Variants in MYSM1 observed in about 807,000 individuals in gnomAD.
The protein encoded by MYSM1 is Myb like, SWIRM and MPN domains 1.
In MYSM1, 51 loss-of-function variants were observed where a neutral mutation model predicts 116.0. The ratio of observed to expected loss-of-function variants is 0.44; its 90% confidence interval spans 0.35 to 0.56. MYSM1 has a LOEUF of 0.56. Among genes scored for constraint, MYSM1 ranks in the 20% least tolerant of loss-of-function variants. The pLI is 0.00. For synonymous variants in MYSM1, 313 were observed against 315.2 expected (o/e 0.99, Z 0.07); for missense variants, 900 against 974.9 (o/e 0.92, Z 1.02).
At chr1:58,660,685 A>G (rs1404441135) in intron 19 of MYSM1, among the ~76,000 whole-genome samples, 1 of 152,168 alleles carries the variant, frequency 6.6e-6, no homozygotes, top group African/African-American at 2.4e-5. Context: ...TGCTATTTAA[A>G]AAGACAAATG....
At position 58,665,498 on chromosome 1, in the gene MYSM1, C is replaced by T. The variant is rs558614618; in HGVS notation, c.2164+1G>A. 3.8e-6 allele frequency: 6 copies of T among 1,583,356 alleles called. No homozygotes were observed. Among genetic ancestry groups the T allele is most frequent in the African/African-American group, 1.4e-5 (1 of 73,416 alleles). On this transcript the variant is annotated splice_donor_variant, in intron 17 of 19. Coordinates refer to ENST00000472487, the MANE Select transcript of MYSM1 (RefSeq NM_001085487.3). LOFTEE classifies it high-confidence loss of function. ...TAAAGTTATTTTTGTTGAAAACTTA[C>T]GATAAGAGCCATCTGGGCTAATTTC...
At chr1:58,684,417 T>C (rs1644795086) in intron 7 of MYSM1, among the ~76,000 whole-genome samples, 1 of 151,682 alleles carries the variant, frequency 6.6e-6, no homozygotes, top group South Asian at 2.1e-4. Flanking sequence ...TACAAAAAAT[T>C]GGCCAGGTGT....
At chr1:58,670,690 A>T (rs1644547418) in intron 12 of MYSM1, among the ~76,000 whole-genome samples, 1 of 152,230 alleles carries the variant, frequency 6.6e-6, no homozygotes, top group Non-Finnish European at 1.5e-5. Flanking sequence ...TAATTGTGGT[A>T]ATCTATATAG....
In MYSM1 at chr1:58,658,076, G is replaced by T. The variant is rs973670912; in HGVS notation, c.*1921C>A. The T allele has an allele frequency of 6.6e-6, 1 of 152,122 alleles. No individual in the cohort carries two copies. The highest frequency in any genetic ancestry group is 2.4e-5 in the African/African-American group (1 of 41,420). 9.4% of individuals were successfully genotyped at this position (152,122 alleles called of 1,614,324 possible). On this transcript the variant is annotated 3_prime_UTR_variant, in exon 20 of 20. Coordinates refer to ENST00000472487, the MANE Select transcript of MYSM1 (RefSeq NM_001085487.3). ...CAATCACTGCCTTTCACAGAATCAC[G>T]CAACTTCGGAGCTTGGAAGGGAATA...
At chr1:58,668,500 T>C in intron 14 of MYSM1, 132 bp downstream of exon 14, 1 of 1,369,902 alleles carries the variant, frequency 7.3e-7, no homozygotes. Flanking sequence ...AAGACTTATT[T>C]TTAGATTCCT....
Position 58,682,093 on chromosome 1 carries a change from A to G in MYSM1, c.951T>C (p.Asn317=). 1 of 1,614,050 alleles carries G rather than the reference A, an allele frequency of 6.2e-7. No individual in the cohort carries two copies. The highest frequency in any genetic ancestry group is 8.5e-7 in the Non-Finnish European group (1 of 1,179,992). ...KSIELNDQKF[N]ELIKNCNKHD... is the part of the protein sequence containing the mutation. ...GCTTGTTGCAGTTTTTAATCAATTCATTAAATTTCTGGTCATTTAATTCAA... is the reference window on the plus strand; with the variant it reads ...GCTTGTTGCAGTTTTTAATCAATTCGTTAAATTTCTGGTCATTTAATTCAA... Residue 317 remains asparagine (N), a synonymous_variant, in exon 8 of 20, where the codon AAT becomes AAC. Coordinates refer to ENST00000472487, the MANE Select transcript of MYSM1 (RefSeq NM_001085487.3).
intron 11 of MYSM1, among the ~76,000 whole-genome samples, chr1:58,672,628 G>A (rs1455085150): frequency 6.6e-6 from 1 of 151,970 alleles, no homozygotes; most frequent in Non-Finnish European, 1.5e-5. Flanking sequence ...AATGAACTAT[G>A]CACCTTTTCC....
chr1:58,682,038 T>C lies in MYSM1; in HGVS notation c.1006A>G (p.Arg336Gly). Residue 336 changes from arginine to glycine, a missense_variant, in exon 8 of 20, where the codon AGG becomes GGG. This residue lies in a region of MYSM1 where 622 missense variants were observed against 623.7 expected (regional missense o/e 1.00). Transcript: ENST00000472487. ...HDGRGIIVDA[R>G]QLPSPEPCEI... ...CAAGGCTCTGGAGAAGGCAACTGCC[T>C]GGCATCAACTATTATTCCCCTTCCA... 9 of 1,614,196 alleles carry C rather than the reference T, an allele frequency of 5.6e-6. No individual in the cohort carries two copies. Among genetic ancestry groups the C allele is most frequent in the Non-Finnish European group, 7.6e-6 (9 of 1,180,022 alleles).
Position 58,661,415 on chromosome 1 carries a change from A to G in MYSM1, c.2261T>C (p.Leu754Pro), listed in dbSNP as rs965499184. The G allele has an allele frequency of 2.0e-5, 32 of 1,563,132 alleles. No homozygotes were observed. The highest frequency in any genetic ancestry group is 2.8e-5 in the Non-Finnish European group (32 of 1,134,280). Reference sequence around the variant, plus strand: ...AAACCACAGTACATACCTATGGGAGAGCCTGTATTTTTCTATTATCCATCT... The same window carrying G: ...AAACCACAGTACATACCTATGGGAGGGCCTGTATTTTTCTATTATCCATCT... Reference protein sequence around the residue: ...KTRWIIEKYRLSHSSVPMDKI... With the variant: ...KTRWIIEKYRPSHSSVPMDKI... The change falls in exon 18 of 20, where the codon CTC becomes CCC. Residue 754 changes from leucine to proline, a missense_variant. Physicochemically the swap from Leu to Pro is moderately conservative, Grantham distance 98. This residue lies in a region of MYSM1 where 186 missense variants were observed against 196.2 expected (regional missense o/e 0.95). Coordinates refer to ENST00000472487, the MANE Select transcript of MYSM1 (RefSeq NM_001085487.3).
chr1:58,665,688 T>C, intron 16 of MYSM1, 57 bp from the exon 17 acceptor site: 3 of 1,185,192 alleles, frequency 2.5e-6, no homozygotes, highest in East Asian at 4.8e-5. Flanking sequence ...AAAGCCAATA[T>C]TTATCCATAC....
Position 58,684,079 on chromosome 1 carries a change from T to C in MYSM1, c.498+1074A>G, listed in dbSNP as rs373297580. On this transcript the variant is annotated intron_variant, in intron 7 of 19. Transcript: ENST00000472487. ...CTGCCTTGAAAATGCTTCTGTTTGG[T>C]TGAAAGATGGAGCATACAATCGATG... Among the ~76,000 whole-genome samples, 61 of 152,222 alleles carry C rather than the reference T, an allele frequency of 4.0e-4. 1 individual carries two copies. In the East Asian group the frequency reaches 8.7e-3, roughly 22 times the overall value.
chr1:58,700,032 A>T lies in MYSM1; in HGVS notation c.21T>A (p.Asp7Glu). 1 of 1,613,470 alleles carries T rather than the reference A, an allele frequency of 6.2e-7. No individual in the cohort carries two copies. Among genetic ancestry groups the T allele is most frequent in the Non-Finnish European group, 8.5e-7 (1 of 1,179,936 alleles). The change falls in exon 1 of 20, where the codon GAT (aspartate) becomes GAA (glutamate). Residue 7 changes from aspartate (D) to glutamate (E), a missense_variant. By Grantham distance (45) the Asp-to-Glu change is conservative (BLOSUM62 2). Coordinates refer to ENST00000472487, the MANE Select transcript of MYSM1 (RefSeq NM_001085487.3). ...CTACCACGTCCCCTTCGATATCCAC[A>T]TCCGCCTCTTCAGCCGCCATGATGG... MAAEEA[D>E]VDIEGDVVAA...
At position 58,665,517 on chromosome 1, in the gene MYSM1, T is replaced by C; in HGVS notation, c.2146A>G (p.Ser716Gly). 1.9e-6 allele frequency: 3 copies of C among 1,602,770 alleles called. No homozygotes were observed. Among genetic ancestry groups the C allele is most frequent in the Non-Finnish European group, 2.6e-6 (3 of 1,173,926 alleles). Residue 716 changes from serine (S) to glycine (G), a missense_variant, in exon 17 of 20, where the codon AGC becomes GGC. Ser to Gly is a moderately conservative substitution (Grantham distance 56). Around this residue, in one of 3 missense-constraint regions of MYSM1, gnomAD observed 186 missense variants for 196.2 expected, o/e 0.95. Transcript: ENST00000472487. Reference sequence around the variant, plus strand: ...AACTTACGATAAGAGCCATCTGGGCTAATTTCCTCACTTATAACCAGGCAG... The same window carrying C: ...AACTTACGATAAGAGCCATCTGGGCCAATTTCCTCACTTATAACCAGGCAG... ...ITCLVISEEI[S>G]PDGSYRLPYK...
rs773468629 is a variant in MYSM1 at position 58,673,646 on chromosome 1, G to T, written c.1499C>A (p.Thr500Lys). ...TGGGTCTCGGACCCTACGTCTCCTT[G>T]TACGCTGCGATGAGATTAAAGTAAA... is the stretch of plus-strand genomic sequence containing the variant. ...QLAQRLQSMR[T>K]RRRRVRDPWG... Residue 500 changes from threonine to lysine, a missense_variant, in exon 11 of 20, where the codon ACA becomes AAA. Thr to Lys is a moderately conservative substitution (Grantham distance 78). Transcript: ENST00000472487. The T allele has an allele frequency of 3.1e-6, 5 of 1,613,606 alleles. No homozygotes were observed. In the Admixed American group the frequency reaches 8.3e-5, roughly 27 times the overall value.
intron 3 of MYSM1, among the ~76,000 whole-genome samples, chr1:58,691,116 A>G (rs1644899881): frequency 6.6e-6 from 1 of 151,944 alleles, no homozygotes; most frequent in Admixed American, 6.6e-5. Context: ...CATCTCTACT[A>G]AAAAACAGAA....
Position 58,671,870 on chromosome 1 carries a change from CT to C in MYSM1, c.1660del (p.Ser554AlafsTer8), listed in dbSNP as rs765939938. 6.2e-7 allele frequency: 1 copy of C among 1,611,244 alleles called. No individual in the cohort carries two copies. Among genetic ancestry groups the C allele is most frequent in the Admixed American group, 1.7e-5 (1 of 59,508 alleles). The stretch of plus-strand genomic sequence containing the variant: ...AAACCACATTTATATAACACTACAC[CT>C]TTTTGTTGGTCTTGGCACTTTTAAA... ...KSLKVPRPTKSSFDPFQLIPC... is the reference protein window; with the variant it reads ...KSLKVPRPTKXSFDPFQLIPC... On this transcript the variant is annotated frameshift_variant and splice_region_variant, in exon 12 of 20. Transcript: ENST00000472487. LOFTEE classifies it high-confidence loss of function.
rs1644867476 is a variant in MYSM1 at position 58,689,061 on chromosome 1, T to C, written c.376A>G (p.Lys126Glu). 6.2e-7 allele frequency: 1 copy of C among 1,611,702 alleles called. No individual in the cohort carries two copies. The highest frequency in any genetic ancestry group is 2.2e-5 in the East Asian group (1 of 44,820). Reference sequence around the variant, plus strand: ...ACCAGCCCTTGTTCAAACAGCTCTTTTTCTTCTATCGTCCACTTTACTGAG... The same window carrying C: ...ACCAGCCCTTGTTCAAACAGCTCTTCTTCTTCTATCGTCCACTTTACTGAG... ...SYSVKWTIEEKELFEQGLAKF... is the reference protein window; with the variant it reads ...SYSVKWTIEEEELFEQGLAKF... The change falls in exon 6 of 20, where the codon AAA (lysine) becomes GAA (glutamate). Residue 126 changes from lysine (K) to glutamate (E), a missense_variant. By Grantham distance (56) the Lys-to-Glu change is moderately conservative (BLOSUM62 1). Coordinates refer to ENST00000472487, the MANE Select transcript of MYSM1 (RefSeq NM_001085487.3).
intron 6 of MYSM1, among the ~76,000 whole-genome samples, chr1:58,687,721 C>A (rs1049522073): frequency 6.6e-6 from 1 of 152,140 alleles, no homozygotes; most frequent in East Asian, 1.9e-4. Context: ...AACGACATCC[C>A]GCCGGAACAA....
At chr1:58,674,698 G>A (rs1404052712) in intron 10 of MYSM1, among the ~76,000 whole-genome samples, 1 of 151,998 alleles carries the variant, frequency 6.6e-6, no homozygotes, top group Non-Finnish European at 1.5e-5. Flanking sequence ...GGCCAAGGCG[G>A]GCGGATCATG....
Sources: allele counts gnomAD v4.1 joint callset (sites outside exome capture counted in the v4.1 genomes callset), GRCh38; gene constraint gnomAD v4.1.1; regional missense constraint gnomAD v4.1.1; transcripts MANE v1.5; gene names NCBI Gene and HGNC (gene_info 2026-07-23, HGNC 2026-07-21).